Variants in PCDH15 observed in about 807,000 individuals in gnomAD.
The protein encoded by PCDH15 is protocadherin-15.
In PCDH15, 129 loss-of-function variants were observed where a neutral mutation model predicts 178.5. The ratio of observed to expected loss-of-function variants is 0.72; its 90% confidence interval spans 0.63 to 0.84. PCDH15 has a LOEUF of 0.84. Ranked by LOEUF, PCDH15 falls within the 40% of genes least tolerant of loss-of-function variation. The pLI is 0.00. For missense variants in PCDH15, 2,230 were observed against 2,099.9 expected, an observed-to-expected ratio of 1.06 and a Z score of -1.21; for synonymous variants, 800 against 732.0, an observed-to-expected ratio of 1.09 and a Z score of -1.50.
At chr10:54,295,593 G>A (rs4514318) in intron 8 of PCDH15, among the ~76,000 whole-genome samples, 110,227 of 152,072 alleles carry the variant, frequency 0.72, 40,928 homozygotes, top group Middle Eastern at 0.82. Flanking sequence ...AACTCTGGAC[G>A]TATCTGAACA....
chr10:54,292,795 C>A (rs958286542), intron 8 of PCDH15, among the ~76,000 whole-genome samples: 1 of 152,096 alleles, frequency 6.6e-6, no homozygotes, highest in Non-Finnish European at 1.5e-5. Flanking sequence ...GAACTACAAA[C>A]CACTGCTCAA....
rs780016103 is a variant in PCDH15, at chr10:53,840,329, T to C, written c.3974A>G (p.Glu1325Gly). ...AACAAAAAGCACTTACTTAAAAAGC[T>C]CATTTCTATCGATGGCTCTGTTGGT... Reference protein sequence around the residue: ...PQTNRAIDRNELFKFLDGKLL... With the variant: ...PQTNRAIDRNGLFKFLDGKLL... The change falls in exon 29 of 38, where the codon GAG (glutamate) becomes GGG (glycine). Residue 1325 changes from glutamate (E) to glycine (G), a missense_variant. By Grantham distance (98) the Glu-to-Gly change is moderately conservative. Transcript: ENST00000644397. 3 of 1,614,132 alleles carry C rather than the reference T, an allele frequency of 1.9e-6. No individual in the cohort carries two copies. Among genetic ancestry groups the C allele is most frequent in the Non-Finnish European group, 2.5e-6 (3 of 1,179,968 alleles).
chr10:53,901,991 G>A (rs2082365098), intron 26 of PCDH15, among the ~76,000 whole-genome samples: 2 of 151,986 alleles, frequency 1.3e-5, no homozygotes, highest in African/African-American at 4.8e-5. Flanking sequence ...TTGTTTGTTT[G>A]CTTTGTCAAT....
intron 1 of PCDH15, among the ~76,000 whole-genome samples, chr10:54,792,645 T>C (rs1271858394): frequency 1.3e-5 from 2 of 151,862 alleles, no homozygotes; most frequent in Admixed American, 6.6e-5. Flanking sequence ...AGACTTGAAC[T>C]CAGACTGGAT....
chr10:54,679,982 T>C (rs186340102), intron 1 of PCDH15, among the ~76,000 whole-genome samples: 1 of 152,362 alleles, frequency 6.6e-6, no homozygotes, highest in African/African-American at 2.4e-5. Context: ...GTATATGCTA[T>C]ATTAACATAT....
chr10:55,179,606 T>C (rs1839587449), intron 1 of PCDH15, among the ~76,000 whole-genome samples: 1 of 152,072 alleles, frequency 6.6e-6, no homozygotes, highest in Non-Finnish European at 1.5e-5. Context: ...CTTACCCACT[T>C]ACAGGTCCCC....
At chr10:55,099,681 G>C (rs747026713) in intron 2 of PCDH15, among the ~76,000 whole-genome samples, 14 of 151,952 alleles carry the variant, frequency 9.2e-5, no homozygotes, top group Admixed American at 2.0e-4. Flanking sequence ...CATAAGAGTT[G>C]TTTGATTATT....
chr10:54,817,321 T>A (rs900847572), intron 3 of PCDH15, among the ~76,000 whole-genome samples: 1 of 151,972 alleles, frequency 6.6e-6, no homozygotes, highest in Admixed American at 6.6e-5. Context: ...AAAATAAATA[T>A]ATGTTATTTT....
At chr10:55,163,454 C>T (rs1355459983) in intron 2 of PCDH15, among the ~76,000 whole-genome samples, 1 of 152,028 alleles carries the variant, frequency 6.6e-6, no homozygotes, top group Admixed American at 6.6e-5. Context: ...CAGAGGCATT[C>T]GAACCAAAGA....
chr10:55,316,668 C>T (rs1168562967), intron 1 of PCDH15, among the ~76,000 whole-genome samples: 4 of 152,170 alleles, frequency 2.6e-5, no homozygotes, highest in South Asian at 4.2e-4. Flanking sequence ...GATACAGAGG[C>T]TGTTAATTCA....
At chr10:54,545,898 G>A (rs763064407) in intron 2 of PCDH15, among the ~76,000 whole-genome samples, 2 of 152,192 alleles carry the variant, frequency 1.3e-5, no homozygotes, top group Non-Finnish European at 2.9e-5. Context: ...TTTGCGGATA[G>A]GGTCTACCTT....
intron 1 of PCDH15, among the ~76,000 whole-genome samples, chr10:55,250,362 G>T (rs1272210866): frequency 6.6e-6 from 1 of 150,784 alleles, no homozygotes; most frequent in East Asian, 1.9e-4. Flanking sequence ...GCCCTGGCTG[G>T]TCCCAAACTC....
In PCDH15 at chr10:55,179,548, C is replaced by A. The variant is rs188468564; in HGVS notation, c.-155-12897G>T. 8.4e-3 allele frequency among the ~76,000 whole-genome samples: 996 copies of A among 118,138 alleles called. 7 individuals carry two copies. Among genetic ancestry groups the A allele is most frequent in the Non-Finnish European group, 0.013 (723 of 54,600 alleles). The allele number at this position is 118,138 out of a possible 152,430, so 77.5% of individuals were successfully genotyped here. On this transcript the variant is annotated intron_variant, in intron 1 of 5. Transcript: ENST00000458638. ...GCTCATGGACAATTCAGCACACACT[C>A]CCCCCCATTCTAAGCCCATAGAAAC... is the stretch of plus-strand genomic sequence containing the variant.
chr10:55,092,912 C>T (rs1842352457), intron 2 of PCDH15, among the ~76,000 whole-genome samples: 1 of 151,878 alleles, frequency 6.6e-6, no homozygotes, highest in Non-Finnish European at 1.5e-5. Context: ...AGATGTTACT[C>T]ATTTTTAATA....
At chr10:55,261,986 C>T (rs1318810660) in intron 1 of PCDH15, among the ~76,000 whole-genome samples, 1 of 133,268 alleles carries the variant, frequency 7.5e-6, no homozygotes, top group Non-Finnish European at 1.6e-5. Context: ...TTCCATTTCA[C>T]TGCTGGGAGA....
At chr10:55,588,033 G>A (rs1434807903) in intron 2 of PCDH15, among the ~76,000 whole-genome samples, 1 of 152,172 alleles carries the variant, frequency 6.6e-6, no homozygotes. Flanking sequence ...TGAGTGGGAA[G>A]GTGGATTAAT....
At chr10:54,811,374 T>C (rs1217348072) in intron 3 of PCDH15, among the ~76,000 whole-genome samples, 1 of 152,210 alleles carries the variant, frequency 6.6e-6, no homozygotes, top group African/African-American at 2.4e-5. Context: ...TTTGAGATCT[T>C]TGAACTGGGC....
rs753557830 is a variant in PCDH15 at position 53,823,352 on chromosome 10, G to GAAAAGACTT, written c.4368-3131_4368-3123dup. ...TGCTTTGTTGAAAATGGTAGAGAAG[G>GAAAAGACTT]AAAAGACTTGAAAGAAAAGAAGATA... is the stretch of plus-strand genomic sequence containing the variant. On this transcript the variant is annotated intron_variant, in intron 32 of 37. Transcript: ENST00000644397. The GAAAAGACTT allele has an allele frequency of 6.2e-7, 1 of 1,612,332 alleles. No individual in the cohort carries two copies. The highest frequency in any genetic ancestry group is 1.3e-5 in the African/African-American group (1 of 74,864).
chr10:55,160,906 C>T (rs1229968595), intron 2 of PCDH15, among the ~76,000 whole-genome samples: 3 of 152,110 alleles, frequency 2.0e-5, no homozygotes, highest in South Asian at 4.1e-4. Flanking sequence ...TCATTTAAAG[C>T]CTTGCCTGGT....
Sources: gnomAD v4.1 joint callset for allele counts (sites outside exome capture counted in the v4.1 genomes callset) on GRCh38, gnomAD v4.1.1 for gene constraint, MANE v1.5 for transcripts, NCBI Gene and HGNC (gene_info 2026-07-23, HGNC 2026-07-21) for gene names.